The following NFIB variants were observed in gnomAD, a reference collection of about 807,000 sequenced individuals.
NFIB encodes nuclear factor I B, also known as nuclear factor 1 B-type.
NFIB carries 11 observed loss-of-function variants against 61.5 expected under a neutral mutation model. The observed-to-expected ratio is 0.18, with a 90% CI of 0.11 to 0.30. NFIB has a LOEUF of 0.30. Ranked by LOEUF, NFIB falls within the 10% of genes least tolerant of loss-of-function variation. The pLI, the probability that NFIB is intolerant of heterozygous loss-of-function variation, is 1.00. For missense variants in NFIB, 471 were observed against 608.9 expected, an observed-to-expected ratio of 0.77 and a Z score of 2.38; for synonymous variants, 260 against 216.5, an observed-to-expected ratio of 1.20 and a Z score of -1.76.
At chr9:14,161,502 CATAT>C (rs980660146) in intron 3 of NFIB, among the ~76,000 whole-genome samples, 4 of 149,662 alleles carry the variant, frequency 2.7e-5, no homozygotes, top group Non-Finnish European at 5.9e-5. Context: ...ACTTTTTCCG[CATAT>C]ATATATATAT....
the NFIB span, among the ~76,000 whole-genome samples, chr9:14,406,899 A>G: frequency 6.6e-6 from 1 of 152,212 alleles, no homozygotes; most frequent in African/African-American, 2.4e-5. Flanking sequence ...TCTTTCCCTC[A>G]AACACCAATT....
the NFIB span, among the ~76,000 whole-genome samples, chr9:14,416,467 G>C: frequency 4.0e-5 from 6 of 151,666 alleles, no homozygotes; most frequent in Non-Finnish European, 5.9e-5. Context: ...ACCCTGTGTA[G>C]GCCCAGGCTA....
At chr9:14,402,585 A>G (rs1490232011), upstream of NFIB, among the ~76,000 whole-genome samples, 1 of 152,190 alleles carries the variant, frequency 6.6e-6, no homozygotes, top group Non-Finnish European at 1.5e-5. Context: ...GTAAAAGAAA[A>G]CATCAGCCTT....
chr9:14,329,730 G>A (rs1319779667), intron 1 of NFIB, among the ~76,000 whole-genome samples: 1 of 151,424 alleles, frequency 6.6e-6, no homozygotes, highest in African/African-American at 2.4e-5. Flanking sequence ...GCCCAGGCTG[G>A]TCTCCAACTC....
chr9:14,219,024 C>T (rs1326301897), intron 2 of NFIB, among the ~76,000 whole-genome samples: 1 of 152,124 alleles, frequency 6.6e-6, no homozygotes, highest in Non-Finnish European at 1.5e-5. Context: ...TCTCCTGCTG[C>T]AAAAACATTT....
At chr9:14,471,227 A>G in the NFIB span, among the ~76,000 whole-genome samples, 1 of 152,230 alleles carries the variant, frequency 6.6e-6, no homozygotes, top group African/African-American at 2.4e-5. Context: ...CTAAAGCTCC[A>G]ACTTCCTTCC....
chr9:14,098,303 C>T (rs145265166), intron 10 of NFIB, among the ~76,000 whole-genome samples: 1 of 152,186 alleles, frequency 6.6e-6, no homozygotes, highest in African/African-American at 2.4e-5. Context: ...CAACCACTCA[C>T]TTGTGGCTTT....
the NFIB span, among the ~76,000 whole-genome samples, chr9:14,435,556 A>G: frequency 6.6e-6 from 1 of 152,236 alleles, no homozygotes; most frequent in Non-Finnish European, 1.5e-5. Flanking sequence ...GTACATGTCA[A>G]CCTAAAATAG....
At chr9:14,446,140 C>G in the NFIB span, among the ~76,000 whole-genome samples, 1 of 152,144 alleles carries the variant, frequency 6.6e-6, no homozygotes, top group Non-Finnish European at 1.5e-5. Flanking sequence ...TGTCTGGCTC[C>G]TTTTAAGGTA....
At chr9:14,200,440 G>T (rs957009603) in intron 2 of NFIB, among the ~76,000 whole-genome samples, 10 of 152,188 alleles carry the variant, frequency 6.6e-5, no homozygotes, top group African/African-American at 2.4e-4. Context: ...CACGATGTGA[G>T]ATAAGAAAAT....
the NFIB span, among the ~76,000 whole-genome samples, chr9:14,491,594 T>C: frequency 2.0e-5 from 3 of 152,206 alleles, no homozygotes; most frequent in Non-Finnish European, 4.4e-5. Context: ...GTTAATTGCA[T>C]TGTGGCATTC....
At chr9:14,476,587 G>C in the NFIB span, among the ~76,000 whole-genome samples, 1 of 152,040 alleles carries the variant, frequency 6.6e-6, no homozygotes, top group African/African-American at 2.4e-5. Flanking sequence ...ATTGCTTCAG[G>C]ATTATTTCTC....
chr9:14,306,968 A>C, intron 2 of NFIB, 21 bp downstream of exon 2: 1 of 1,610,868 alleles, frequency 6.2e-7, no homozygotes, highest in Non-Finnish European at 8.5e-7. Context: ...CGTGCTAGAA[A>C]AAAGAACAAT....
the NFIB span, among the ~76,000 whole-genome samples, chr9:14,436,410 G>C: frequency 1.3e-5 from 2 of 152,230 alleles, no homozygotes; most frequent in African/African-American, 4.8e-5. Flanking sequence ...CCCTGACACA[G>C]AGAAGTGTTC....
At chr9:14,104,305 T>C (rs1277107218) in intron 10 of NFIB, among the ~76,000 whole-genome samples, 1 of 152,212 alleles carries the variant, frequency 6.6e-6, no homozygotes, top group Non-Finnish European at 1.5e-5. Context: ...ACTTTCAATA[T>C]TTCAAAGAAG....
At position 14,157,068 on chromosome 9, in the gene NFIB, G is replaced by C. The variant is rs138379144; in HGVS notation, c.617-1175C>G. On this transcript the variant is annotated intron_variant, in intron 3 of 10. Transcript: ENST00000380953. ...GGTTATTAGTCCTCTTTTTGCCTCA[G>C]ATTCCTCACTTAACAAATTGGAGAC... 7.3e-4 allele frequency among the ~76,000 whole-genome samples: 111 copies of C among 152,198 alleles called. No homozygotes were observed. The Middle Eastern group carries it at 0.017, about 23-fold the overall frequency.
At chr9:14,186,204 T>A (rs562321041) in intron 2 of NFIB, among the ~76,000 whole-genome samples, 2 of 152,204 alleles carry the variant, frequency 1.3e-5, no homozygotes, top group Non-Finnish European at 2.9e-5. Context: ...ATAGCTTTTA[T>A]ATCAAGGGAT....
At chr9:14,149,171 C>T (rs550721535) in intron 5 of NFIB, among the ~76,000 whole-genome samples, 1 of 152,196 alleles carries the variant, frequency 6.6e-6, no homozygotes, top group Admixed American at 6.5e-5. Flanking sequence ...AATTATCTTG[C>T]TACACAATTT....
At chr9:14,525,122 A>G in the NFIB span, among the ~76,000 whole-genome samples, 1 of 152,194 alleles carries the variant, frequency 6.6e-6, no homozygotes, top group Non-Finnish European at 1.5e-5. Flanking sequence ...CCAATCCCAG[A>G]GCTCTACAGT....
Sources: allele counts gnomAD v4.1 joint callset (sites outside exome capture counted in the v4.1 genomes callset), GRCh38; gene constraint gnomAD v4.1.1; transcripts MANE v1.5; gene names NCBI Gene and HGNC (gene_info 2026-07-23, HGNC 2026-07-21).